LRWD1: variants seen among roughly 807,000 people sequenced by gnomAD.
LRWD1 encodes leucine-rich repeat and WD repeat-containing protein 1.
LRWD1 carries 76 observed loss-of-function variants against 75.6 expected under a neutral mutation model. That is an observed-to-expected ratio of 1.01 (90% CI 0.84 to 1.22). LRWD1 has a LOEUF of 1.22. Ranked by LOEUF, LRWD1 falls within the 50% of genes most tolerant of loss-of-function variation. The pLI, the probability that LRWD1 is intolerant of heterozygous loss-of-function variation, is 0.00. For missense variants in LRWD1, 917 were observed against 862.0 expected (o/e 1.06, Z -0.80); for synonymous variants, 487 against 377.0 (o/e 1.29, Z -3.38).
chr7:102,468,555 G>T lies in LRWD1; in HGVS notation c.921G>T (p.Gly307=). 6.4e-7 allele frequency: 1 copy of T among 1,566,962 alleles called. No individual in the cohort carries two copies. The change falls in exon 8 of 15, where the codon GGG becomes GGT. Residue 307 remains glycine (G), a splice_region_variant and synonymous_variant. Transcript: ENST00000292616. ...ACAFEPAWEE[G]ATSQTVATCG... ...GACCTCTCAAAACCGGGCACTCAGG[G>T]GCCACATCCCAGACCGTGGCCACGT... is the stretch of plus-strand genomic sequence containing the variant.
intron 11 of LRWD1, 80 bp from the exon 12 acceptor site, chr7:102,472,138 G>C: frequency 7.8e-7 from 1 of 1,282,460 alleles, no homozygotes; most frequent in South Asian, 1.3e-5. Context: ...TCCCCAGCAG[G>C]TGCGCTGCAG....
intron 3 of LRWD1, 71 bp from the exon 4 acceptor site, chr7:102,467,268 C>A (rs1269512667): frequency 2.0e-6 from 3 of 1,522,060 alleles, no homozygotes; most frequent in Admixed American, 4.0e-5. Flanking sequence ...GATTGAGATT[C>A]CCTGAGATGG....
chr7:102,466,883 C>T (rs1273677067), intron 3 of LRWD1, among the ~76,000 whole-genome samples: 3 of 148,104 alleles, frequency 2.0e-5, no homozygotes, highest in East Asian at 2.0e-4. Context: ...TGGGCTCAAG[C>T]GATCTTCCCG....
At chr7:102,465,583 A>T in intron 1 of LRWD1, 1 of 325,788 alleles carries the variant, frequency 3.1e-6, no homozygotes, top group Non-Finnish European at 5.6e-6. Context: ...GCTACTCGAG[A>T]GGCTGAGGCG....
Position 102,468,534 on chromosome 7 carries a change from T to C in LRWD1, c.920-20T>C. On this transcript the variant is annotated intron_variant, in intron 7 of 14. Coordinates refer to ENST00000292616, the MANE Select transcript of LRWD1 (RefSeq NM_152892.3). The stretch of plus-strand genomic sequence containing the variant: ...GGGAAATGTCTCTGCTCATCCGACC[T>C]CTCAAAACCGGGCACTCAGGGGCCA... 6.4e-7 allele frequency: 1 copy of C among 1,557,458 alleles called. No individual in the cohort carries two copies. Among genetic ancestry groups the C allele is most frequent in the Non-Finnish European group, 8.7e-7 (1 of 1,150,434 alleles).
At position 102,465,121 on chromosome 7, in the gene LRWD1, G is replaced by T; in HGVS notation, c.41G>T (p.Arg14Leu). 2 of 1,511,616 alleles carry T rather than the reference G, an allele frequency of 1.3e-6. No homozygotes were observed. Among genetic ancestry groups the T allele is most frequent in the Admixed American group, 2.3e-5 (1 of 42,618 alleles). 93.6% of individuals were successfully genotyped at this position (1,511,616 alleles called of 1,614,324 possible). The change falls in exon 1 of 15, where the codon CGC (arginine) becomes CTC (leucine). Residue 14 changes from arginine to leucine, a missense_variant. Coordinates refer to ENST00000292616, the MANE Select transcript of LRWD1 (RefSeq NM_152892.3). ...LSARLLMQRG[R>L]PKSDRLGKIR... ...GCGCGGCTGCTAATGCAGCGCGGGC[G>T]CCCCAAGAGCGACCGGCTGGGGAAG... is the stretch of plus-strand genomic sequence containing the variant.
chr7:102,472,436 C>G lies in LRWD1; in HGVS notation c.1535-18C>G, dbSNP rs922173640. On this transcript the variant is annotated intron_variant, in intron 12 of 14. Transcript: ENST00000292616. The stretch of plus-strand genomic sequence containing the variant: ...CTGGGAGGGGCCACCCTGCACAGCT[C>G]TCCCTTCTCCCCCACAGCCTCCAAG... 1.3e-6 allele frequency: 2 copies of G among 1,537,936 alleles called. No homozygotes were observed. The highest frequency in any genetic ancestry group is 8.8e-7 in the Non-Finnish European group (1 of 1,139,272).
rs1798040126 is a variant in LRWD1 at position 102,467,327 on chromosome 7, C to T, written c.433-12C>T. 2 of 1,595,892 alleles carry T rather than the reference C, an allele frequency of 1.3e-6. No homozygotes were observed. Among genetic ancestry groups the T allele is most frequent in the African/African-American group, 1.3e-5 (1 of 74,470 alleles). ...GGTGGGCCGGGCCTGGATCTGGTCC[C>T]TCTTGCACCAGGTCACAGCTCACTG... On this transcript the variant is annotated splice_polypyrimidine_tract_variant and intron_variant, in intron 3 of 14. Coordinates refer to ENST00000292616, the MANE Select transcript of LRWD1 (RefSeq NM_152892.3).
At position 102,465,489 on chromosome 7, in the gene LRWD1, CTTTTTTTTTTTTTTT is replaced by C. The variant is rs1007523343; in HGVS notation, c.81-306_81-292del. The C allele has an allele frequency of 3.7e-4, 27 of 73,748 alleles. 1 individual carries two copies. The highest frequency in any genetic ancestry group is 6.2e-3 in the Middle Eastern group (1 of 162). 4.6% of individuals were successfully genotyped at this position (73,748 alleles called of 1,614,324 possible). On this transcript the variant is annotated intron_variant, in intron 1 of 14. Coordinates refer to ENST00000292616, the MANE Select transcript of LRWD1 (RefSeq NM_152892.3). Reference sequence around the variant, plus strand: ...CCCCCGAGTCCTAAAGTAGTTGCAGCTTTTTTTTTTTTTTTTTTTTTTTTTTTTTTTTTTTTGTTA... The same window carrying C: ...CCCCCGAGTCCTAAAGTAGTTGCAGCTTTTTTTTTTTTTTTTTTTTTGTTA...
intron 3 of LRWD1, among the ~76,000 whole-genome samples, chr7:102,466,925 C>T (rs926864238): frequency 1.1e-4 from 17 of 151,526 alleles, no homozygotes; most frequent in African/African-American, 3.6e-4. Flanking sequence ...GGGCTTTAGG[C>T]GCATGCCACC....
chr7:102,468,255 C>G lies in LRWD1; in HGVS notation c.805-8C>G. Reference sequence around the variant, plus strand: ...CTGGGCAGCTGTGACCCTTCTCTCCCCCCACAGCCTGCTGTGAAGCTGGAG... The same window carrying G: ...CTGGGCAGCTGTGACCCTTCTCTCCGCCCACAGCCTGCTGTGAAGCTGGAG... On this transcript the variant is annotated splice_region_variant and splice_polypyrimidine_tract_variant and intron_variant, in intron 6 of 14. Transcript: ENST00000292616. 6.2e-7 allele frequency: 1 copy of G among 1,604,538 alleles called. No homozygotes were observed. The highest frequency in any genetic ancestry group is 8.5e-7 in the Non-Finnish European group (1 of 1,176,362).
At chr7:102,468,793 C>A in intron 8 of LRWD1, 62 bp from the exon 9 acceptor site, 1 of 1,576,742 alleles carries the variant, frequency 6.3e-7, no homozygotes. Flanking sequence ...CAGGCCCGGG[C>A]TACCCGCGTG....
rs372892312 is a variant in LRWD1, at chr7:102,473,055, C to T, written c.*6C>T. The T allele has an allele frequency of 1.8e-5, 29 of 1,609,796 alleles. No homozygotes were observed. The highest frequency in any genetic ancestry group is 1.2e-4 in the African/African-American group (9 of 74,924). On this transcript the variant is annotated 3_prime_UTR_variant, in exon 15 of 15. Coordinates refer to ENST00000292616, the MANE Select transcript of LRWD1 (RefSeq NM_152892.3). ...CCATCTGGGGGAGGATGTAGCCTCA[C>T]ACCATCGCAAAGGACCAGGGACACA...
In LRWD1 at chr7:102,472,450, A is replaced by G; in HGVS notation, c.1535-4A>G. 6.5e-7 allele frequency: 1 copy of G among 1,536,298 alleles called. No individual in the cohort carries two copies. Among genetic ancestry groups the G allele is most frequent in the Non-Finnish European group, 8.8e-7 (1 of 1,138,270 alleles). On this transcript the variant is annotated splice_region_variant and splice_polypyrimidine_tract_variant and intron_variant, in intron 12 of 14. Coordinates refer to ENST00000292616, the MANE Select transcript of LRWD1 (RefSeq NM_152892.3). ...CCTGCACAGCTCTCCCTTCTCCCCC[A>G]CAGCCTCCAAGGGGAGCGGCCTGGG...
chr7:102,472,927 CCCTGGG>C lies in LRWD1; in HGVS notation c.1825_1830del (p.Trp609_Ala610del). 6.2e-7 allele frequency: 1 copy of C among 1,614,008 alleles called. No homozygotes were observed. Among genetic ancestry groups the C allele is most frequent in the Non-Finnish European group, 8.5e-7 (1 of 1,179,980 alleles). The stretch of plus-strand genomic sequence containing the variant: ...CCACCAGATCCTGAAGTGGCCCCAG[CCCTGGG>C]CCCTTGGCCAGGTGGTGACCAAGAC... On this transcript the variant is annotated inframe_deletion, in exon 15 of 15. Transcript: ENST00000292616.
Position 102,472,898 on chromosome 7 carries a change from C to T in LRWD1, c.1804-11C>T, listed in dbSNP as rs762624775. On this transcript the variant is annotated splice_polypyrimidine_tract_variant and intron_variant, in intron 14 of 14. Transcript: ENST00000292616. Reference sequence around the variant, plus strand: ...GGAGCCCAGCCCAGCCCTCCCCTCTCTCCCCACCAGATCCTGAAGTGGCCC... The same window carrying T: ...GGAGCCCAGCCCAGCCCTCCCCTCTTTCCCCACCAGATCCTGAAGTGGCCC... 4.3e-6 allele frequency: 7 copies of T among 1,612,466 alleles called. No individual in the cohort carries two copies. In the African/African-American group the frequency reaches 9.3e-5, roughly 22 times the overall value.
intron 14 of LRWD1, 40 bp downstream of exon 14, chr7:102,472,844 G>A: frequency 6.2e-7 from 1 of 1,611,646 alleles, no homozygotes; most frequent in Non-Finnish European, 8.5e-7. Flanking sequence ...GGGCTGGCAA[G>A]GCATCAGGGG....
Position 102,472,241 on chromosome 7 carries a change from TCTC to T in LRWD1, c.1467_1469del (p.Ser490del), listed in dbSNP as rs779188427. 1.9e-6 allele frequency: 3 copies of T among 1,596,592 alleles called. No individual in the cohort carries two copies. Among genetic ancestry groups the T allele is most frequent in the South Asian group, 2.3e-5 (2 of 88,484 alleles). On this transcript the variant is annotated inframe_deletion, in exon 12 of 15. Transcript: ENST00000292616. ...AGGGTGTGTGAAGTGGAATTCGTCT[TCTC>T]TGAGGGCTCCGAGGCATCTGGACGG...
At chr7:102,469,477 C>T in intron 9 of LRWD1, 97 bp from the exon 10 acceptor site, 1 of 1,417,864 alleles carries the variant, frequency 7.1e-7, no homozygotes, top group Non-Finnish European at 9.8e-7. Context: ...CTCGGAGGGG[C>T]TGGCCTTGGG....
Sources: gnomAD v4.1 joint callset for allele counts (sites outside exome capture counted in the v4.1 genomes callset) on GRCh38, gnomAD v4.1.1 for gene constraint, MANE v1.5 for transcripts, NCBI Gene and HGNC (gene_info 2026-07-23, HGNC 2026-07-21) for gene names.